PLOD2: variants seen among roughly 807,000 people sequenced by gnomAD.
PLOD2 encodes the protein procollagen-lysine,2-oxoglutarate 5-dioxygenase 2, also known as lysine hydroxylase 2.
A neutral mutation model predicts 101.0 loss-of-function variants in PLOD2; 65 were observed. The ratio of observed to expected loss-of-function variants is 0.64; its 90% confidence interval spans 0.53 to 0.79. The LOEUF (loss-of-function observed/expected upper bound fraction) is 0.79. PLOD2 is among the 30% of genes least tolerant of loss of function. The probability of loss-of-function intolerance (pLI) is 0.00; values close to 1 mark genes in which losing one functional copy is unlikely to be tolerated. For missense variants in PLOD2, 909 were observed against 914.6 expected (o/e 0.99, Z 0.08); for synonymous variants, 314 against 302.9 (o/e 1.04, Z -0.38).
At chr3:146,085,132 T>C (rs888290335) in intron 11 of PLOD2, 37 bp downstream of exon 11, 1 of 947,634 alleles carries the variant, frequency 1.1e-6, no homozygotes, top group East Asian at 2.4e-5. Flanking sequence ...AAAATAATCA[T>C]TTTAACAATA....
intron 11 of PLOD2, among the ~76,000 whole-genome samples, chr3:146,082,455 C>A (rs1424855365): frequency 1.3e-5 from 2 of 152,122 alleles, no homozygotes; most frequent in African/African-American, 4.8e-5. Flanking sequence ...CTAGTCCTGG[C>A]AACACTGAAC....
At chr3:146,126,827 T>G (rs1179721464) in intron 1 of PLOD2, among the ~76,000 whole-genome samples, 1 of 152,094 alleles carries the variant, frequency 6.6e-6, no homozygotes, top group Non-Finnish European at 1.5e-5. Context: ...TTACTTTTTT[T>G]TAAAAAAGAG....
At chr3:146,076,691 A>C (rs762859784) in intron 15 of PLOD2, 91 bp downstream of exon 15, 16 of 702,026 alleles carry the variant, frequency 2.3e-5, no homozygotes, top group Non-Finnish European at 3.8e-5. Flanking sequence ...CATTTTAAAA[A>C]GCCTCTAACC....
In PLOD2 at chr3:146,071,060, GTTA is replaced by G; in HGVS notation, c.2100_2102del (p.Asn701del). On this transcript the variant is annotated inframe_deletion, in exon 19 of 20. Coordinates refer to ENST00000282903, the MANE Select transcript of PLOD2 (RefSeq NM_182943.3). ...TAATTACCTGAAAGTCTTCTCCCACGTTATTAAGTGCAATGTTTATGGTAAATG... is the reference window on the plus strand; with the variant it reads ...TAATTACCTGAAAGTCTTCTCCCACGTTAAGTGCAATGTTTATGGTAAATG... The G allele has an allele frequency of 1.2e-6, 2 of 1,607,716 alleles. No individual in the cohort carries two copies. Among genetic ancestry groups the G allele is most frequent in the Non-Finnish European group, 1.7e-6 (2 of 1,175,138 alleles).
chr3:146,070,796 C>T lies in PLOD2; in HGVS notation c.2198G>A (p.Gly733Glu). Residue 733 changes from glycine to glutamate, a missense_variant, in exon 20 of 20, where the codon GGG becomes GAG. Physicochemically the swap from Gly to Glu is moderately conservative, Grantham distance 98. Coordinates refer to ENST00000282903, the MANE Select transcript of PLOD2 (RefSeq NM_182943.3). ...PRKGWSFMHP[G>E]RLTHLHEGLP... ...TCCTTCATGCAAATGTGTGAGTCTC[C>T]CAGGATGCATGAAGCTCCAGCCTTT... The T allele has an allele frequency of 2.5e-6, 4 of 1,610,114 alleles. No homozygotes were observed. The highest frequency in any genetic ancestry group is 1.7e-6 in the Non-Finnish European group (2 of 1,177,166).
intron 1 of PLOD2, among the ~76,000 whole-genome samples, chr3:146,130,685 T>C (rs958110726): frequency 1.3e-5 from 2 of 152,206 alleles, no homozygotes; most frequent in Admixed American, 1.3e-4. Context: ...AGTAAAGTAA[T>C]CGACTTAGCC....
chr3:146,119,306 CAT>C (rs1472079333), intron 3 of PLOD2, among the ~76,000 whole-genome samples: 1 of 152,118 alleles, frequency 6.6e-6, no homozygotes, highest in South Asian at 2.1e-4. Context: ...TGGCCAGCAT[CAT>C]GTTTCCTGTA....
At chr3:146,093,858 T>C (rs927611755) in intron 7 of PLOD2, among the ~76,000 whole-genome samples, 67 of 152,194 alleles carry the variant, frequency 4.4e-4, no homozygotes, top group African/African-American at 1.3e-3. Context: ...ACTTTTAGTT[T>C]TCGGAATTAA....
At position 146,102,938 on chromosome 3, in the gene PLOD2, T is replaced by C. The variant is rs561495927; in HGVS notation, c.680-86A>G. On this transcript the variant is annotated intron_variant, in intron 6 of 19. Coordinates refer to ENST00000282903, the MANE Select transcript of PLOD2 (RefSeq NM_182943.3). ...TCGTGTGTCTGTGTGTGTATGTGTG[T>C]GTATCATCATTACAAAATTTCTCAT... is the stretch of plus-strand genomic sequence containing the variant. 13 of 724,116 alleles carry C rather than the reference T, an allele frequency of 1.8e-5. No homozygotes were observed. In the East Asian group the frequency reaches 2.7e-4, roughly 15 times the overall value. 44.9% of individuals were successfully genotyped at this position (724,116 alleles called of 1,614,324 possible).
intron 4 of PLOD2, among the ~76,000 whole-genome samples, chr3:146,109,755 G>GC (rs1416002257): frequency 1.3e-5 from 2 of 152,116 alleles, no homozygotes; most frequent in East Asian, 3.9e-4. Context: ...ATCCGTGGTA[G>GC]CACAGCTAAT....
intron 12 of PLOD2, among the ~76,000 whole-genome samples, chr3:146,079,617 A>G (rs954364043): frequency 2.0e-5 from 3 of 151,984 alleles, no homozygotes; most frequent in African/African-American, 7.2e-5. Flanking sequence ...GAATCATAAC[A>G]TACAACCAGT....
intron 3 of PLOD2, among the ~76,000 whole-genome samples, chr3:146,110,851 A>AG (rs1426988046): frequency 1.3e-5 from 2 of 152,214 alleles, no homozygotes; most frequent in East Asian, 3.8e-4. Flanking sequence ...AATTTGTACC[A>AG]GTCCATTAGT....
intron 1 of PLOD2, among the ~76,000 whole-genome samples, chr3:146,152,980 C>T (rs1342010444): frequency 6.6e-6 from 1 of 152,170 alleles, no homozygotes; most frequent in African/African-American, 2.4e-5. Context: ...GAGGATTGTC[C>T]TTCTCTAGAC....
intron 7 of PLOD2, among the ~76,000 whole-genome samples, chr3:146,097,810 A>T (rs1292644017): frequency 9.6e-6 from 1 of 104,502 alleles, no homozygotes; most frequent in African/African-American, 3.7e-5. Context: ...AAAAAATAAT[A>T]ATAATAATAA....
At chr3:146,110,493 A>G in intron 3 of PLOD2, 45 bp from the exon 4 acceptor site, 1 of 1,480,244 alleles carries the variant, frequency 6.8e-7, no homozygotes, top group South Asian at 1.2e-5. Flanking sequence ...ACTTGTCAGA[A>G]TCTAGGCACA....
intron 12 of PLOD2, among the ~76,000 whole-genome samples, chr3:146,080,331 G>T (rs1936493523): frequency 6.6e-6 from 1 of 151,960 alleles, no homozygotes; most frequent in Non-Finnish European, 1.5e-5. Context: ...ACAATATGCT[G>T]TAATAAAAGT....
intron 1 of PLOD2, among the ~76,000 whole-genome samples, chr3:146,141,896 T>C (rs1262058915): frequency 6.6e-6 from 1 of 152,056 alleles, no homozygotes; most frequent in Non-Finnish European, 1.5e-5. Context: ...TTATTTTAAA[T>C]TGGAAGTTTA....
At chr3:146,079,802 C>T (rs1936469065) in intron 12 of PLOD2, among the ~76,000 whole-genome samples, 1 of 152,012 alleles carries the variant, frequency 6.6e-6, no homozygotes, top group Non-Finnish European at 1.5e-5. Context: ...CCAGTTGTTA[C>T]ACATTTACCA....
chr3:146,136,347 C>T (rs2031227468), intron 1 of PLOD2, among the ~76,000 whole-genome samples: 1 of 152,072 alleles, frequency 6.6e-6, no homozygotes, highest in African/African-American at 2.4e-5. Context: ...CAAACTAAAA[C>T]TTTTTGAGTG....
Sources: allele counts gnomAD v4.1 joint callset (sites outside exome capture counted in the v4.1 genomes callset), GRCh38; gene constraint gnomAD v4.1.1; transcripts MANE v1.5; gene names NCBI Gene and HGNC (gene_info 2026-07-23, HGNC 2026-07-21).